Variants in PTPRD observed in about 807,000 individuals in gnomAD.
PTPRD encodes protein tyrosine phosphatase receptor type D.
PTPRD carries 34 observed loss-of-function variants against 214.5 expected under a neutral mutation model. The ratio of observed to expected loss-of-function variants is 0.16; its 90% CI spans 0.12 to 0.21. The LOEUF (loss-of-function observed/expected upper bound fraction) is 0.21. PTPRD is among the 10% of genes least tolerant of loss of function. PTPRD has a pLI of 1.00. For missense variants in PTPRD, 2,545 were observed against 2,398.7 expected (o/e 1.06, Z -1.27); for synonymous variants, 1,128 against 845.7 (o/e 1.33, Z -5.79).
intron 11 of PTPRD, among the ~76,000 whole-genome samples, chr9:8,981,302 T>G (rs1368420333): frequency 6.6e-6 from 1 of 152,038 alleles, no homozygotes; most frequent in African/African-American, 2.4e-5. Context: ...TAGGAAAAGT[T>G]TTTAATTTAA....
At chr9:8,898,667 A>T (rs1213001479) in intron 11 of PTPRD, among the ~76,000 whole-genome samples, 1 of 152,164 alleles carries the variant, frequency 6.6e-6, no homozygotes, top group African/African-American at 2.4e-5. Context: ...TGGCACGAAT[A>T]AGATCTCAAT....
chr9:10,287,132 C>CA (rs547681911), intron 3 of PTPRD, among the ~76,000 whole-genome samples: 97 of 152,250 alleles, frequency 6.4e-4, no homozygotes, highest in Admixed American at 2.8e-3. Context: ...ATTAATTATA[C>CA]AAAAAAGATG....
At chr9:8,676,356 A>T (rs1382355469) in intron 12 of PTPRD, among the ~76,000 whole-genome samples, 1 of 149,148 alleles carries the variant, frequency 6.7e-6, no homozygotes, top group Non-Finnish European at 1.5e-5. Flanking sequence ...CAAAATTCAC[A>T]GCCAAACATT....
intron 9 of PTPRD, among the ~76,000 whole-genome samples, chr9:9,378,509 G>A (rs754429152): frequency 7.9e-5 from 12 of 152,062 alleles, no homozygotes; most frequent in Non-Finnish European, 1.6e-4. Flanking sequence ...CTTTGAACAT[G>A]TTTTCAACTC....
At chr9:8,650,400 C>T (rs944820130) in intron 12 of PTPRD, among the ~76,000 whole-genome samples, 2 of 151,858 alleles carry the variant, frequency 1.3e-5, no homozygotes. Flanking sequence ...TGGCACATGC[C>T]TGTAATCCCA....
chr9:10,126,215 C>T (rs1216539254), intron 3 of PTPRD, among the ~76,000 whole-genome samples: 1 of 152,076 alleles, frequency 6.6e-6, no homozygotes, highest in Non-Finnish European at 1.5e-5. Context: ...GCTCGATTTT[C>T]CTGACCCCCT....
In PTPRD at chr9:10,453,496, A is replaced by C. The variant is rs944105788; in HGVS notation, c.-599-112479T>G. On this transcript the variant is annotated intron_variant, in intron 2 of 45. Transcript: ENST00000381196. ...CTTCAATATCTTCCCTCAATGTTTT[A>C]TAGTTTTCAGTGTCCTTCATCTCCT... is the stretch of plus-strand genomic sequence containing the variant. Among the ~76,000 whole-genome samples the C allele has an allele frequency of 1.1e-4, 16 of 151,690 alleles. No homozygotes were observed. In the East Asian group the frequency reaches 2.9e-3, roughly 27 times the overall value.
chr9:8,865,775 G>A (rs1182625519), intron 11 of PTPRD, among the ~76,000 whole-genome samples: 1 of 152,080 alleles, frequency 6.6e-6, no homozygotes, highest in East Asian at 1.9e-4. Context: ...CTCTTATTGA[G>A]ACTGTGCTGA....
Position 8,813,886 on chromosome 9 carries a change from G to T in PTPRD, c.-103-79940C>A, listed in dbSNP as rs186901540. Among the ~76,000 whole-genome samples, 72 of 152,310 alleles carry T rather than the reference G, an allele frequency of 4.7e-4. No homozygotes were observed. The East Asian group carries it at 0.011, about 24-fold the overall frequency. ...CAACATCGTCTGAGAAGTCTTCTTT[G>T]GTCCTGGTCCACCATTTTCCCCTCT... On this transcript the variant is annotated intron_variant, in intron 11 of 45. Transcript: ENST00000381196.
At chr9:8,832,684 C>A (rs1310600087) in intron 11 of PTPRD, among the ~76,000 whole-genome samples, 4 of 151,982 alleles carry the variant, frequency 2.6e-5, no homozygotes, top group Non-Finnish European at 5.9e-5. Flanking sequence ...CAAGACTTCA[C>A]AAAGAGGATT....
chr9:8,562,239 C>G (rs1160667093), intron 14 of PTPRD, among the ~76,000 whole-genome samples: 1 of 151,994 alleles, frequency 6.6e-6, no homozygotes, highest in African/African-American at 2.4e-5. Flanking sequence ...GACTCATTAT[C>G]TGGACTCTCA....
In PTPRD at chr9:8,504,218, G is replaced by A. The variant is rs762288664; in HGVS notation, c.1822+43C>T. The A allele has an allele frequency of 1.6e-5, 26 of 1,607,230 alleles. 1 individual carries two copies. In the South Asian group the frequency reaches 1.7e-4, roughly 10 times the overall value. ...AGGTGAAAGCTAGCAACATCTCCCCGAGGAAATAAAAAGGCAGAAAGTAAG... is the reference window on the plus strand; with the variant it reads ...AGGTGAAAGCTAGCAACATCTCCCCAAGGAAATAAAAAGGCAGAAAGTAAG... On this transcript the variant is annotated intron_variant, in intron 23 of 45. Coordinates refer to ENST00000381196, the MANE Select transcript of PTPRD (RefSeq NM_002839.4).
chr9:9,673,902 A>G (rs1304448073), intron 7 of PTPRD, among the ~76,000 whole-genome samples: 1 of 151,796 alleles, frequency 6.6e-6, no homozygotes, highest in Non-Finnish European at 1.5e-5. Flanking sequence ...TACTCGATAG[A>G]AGTAACTCCC....
intron 12 of PTPRD, among the ~76,000 whole-genome samples, chr9:8,640,600 A>G (rs1180371957): frequency 6.6e-6 from 1 of 151,050 alleles, no homozygotes; most frequent in Non-Finnish European, 1.5e-5. Context: ...AGGGCTCTTA[A>G]ATTTATTCTT....
At chr9:10,387,051 A>C (rs922927116) in intron 2 of PTPRD, among the ~76,000 whole-genome samples, 2 of 151,734 alleles carry the variant, frequency 1.3e-5, no homozygotes, top group Non-Finnish European at 2.9e-5. Context: ...TAGCCTCCAG[A>C]AGCTGGAAAT....
chr9:10,086,445 A>G (rs1210431568), intron 3 of PTPRD, among the ~76,000 whole-genome samples: 1 of 151,690 alleles, frequency 6.6e-6, no homozygotes, highest in African/African-American at 2.4e-5. Context: ...CCTAGTTCAA[A>G]CTATTGCCTG....
rs1026615245 is a variant in PTPRD at position 10,612,766 on chromosome 9, G to C, written c.-786C>G. The C allele has an allele frequency of 2.7e-4, 42 of 152,744 alleles. No individual in the cohort carries two copies. The highest frequency in any genetic ancestry group is 2.7e-3 in the Admixed American group (41 of 15,280). 9.5% of individuals were successfully genotyped at this position (152,744 alleles called of 1,614,324 possible). On this transcript the variant is annotated 5_prime_UTR_variant, in exon 1 of 46. Coordinates refer to ENST00000381196, the MANE Select transcript of PTPRD (RefSeq NM_002839.4). ...CTCGGGAGGAGGAGGAGAAAGAGCA[G>C]CGGGAGGACTCGGGCTGGGAGGGGA...
At chr9:10,507,496 T>C (rs192015402) in intron 2 of PTPRD, among the ~76,000 whole-genome samples, 12 of 152,090 alleles carry the variant, frequency 7.9e-5, no homozygotes, top group African/African-American at 2.7e-4. Context: ...GCCAAGACAA[T>C]CCTAAGCCAA....
At chr9:8,713,871 A>G (rs944996839) in intron 12 of PTPRD, 16 of 1,188,328 alleles carry the variant, frequency 1.3e-5, no homozygotes, top group African/African-American at 4.6e-5. Flanking sequence ...GTGCGCCCCA[A>G]ATAAACTCAG....
Sources: allele counts gnomAD v4.1 joint callset (sites outside exome capture counted in the v4.1 genomes callset), GRCh38; gene constraint gnomAD v4.1.1; transcripts MANE v1.5; gene names NCBI Gene and HGNC (gene_info 2026-07-23, HGNC 2026-07-21).